The following LPP variants were observed in gnomAD, a reference collection of about 807,000 sequenced individuals.
The protein encoded by LPP is LIM domain containing preferred translocation partner in lipoma.
Under a neutral mutation model 60.4 loss-of-function variants are expected in LPP, and 38 were observed. The ratio of observed to expected loss-of-function variants is 0.63; its 90% confidence interval spans 0.49 to 0.83. The LOEUF (loss-of-function observed/expected upper bound fraction) is 0.83, where lower values mean the gene tolerates loss of function less well. Among genes scored for constraint, LPP ranks in the 40% least tolerant of loss-of-function variants. The probability of loss-of-function intolerance (pLI) is 0.00; values close to 1 mark genes in which losing one functional copy is unlikely to be tolerated. For missense variants in LPP, 902 were observed against 783.6 expected (o/e 1.15, Z -1.80); for synonymous variants, 328 against 290.8 (o/e 1.13, Z -1.30).
chr3:188,581,201 G>T (rs1849913), intron 6 of LPP, among the ~76,000 whole-genome samples: 1 of 151,598 alleles, frequency 6.6e-6, no homozygotes, highest in Non-Finnish European at 1.5e-5. Context: ...GGCAAAAAAA[G>T]TCCAGGAAGA....
intron 3 of LPP, among the ~76,000 whole-genome samples, chr3:188,386,083 CA>C (rs1049423884): frequency 6.0e-5 from 9 of 150,564 alleles, no homozygotes; most frequent in Non-Finnish European, 8.9e-5. Flanking sequence ...AATAGGTGAA[CA>C]AAAAAAAGTA....
At chr3:188,376,534 CT>C (rs1320895961) in intron 3 of LPP, among the ~76,000 whole-genome samples, 2 of 151,918 alleles carry the variant, frequency 1.3e-5, no homozygotes, top group Non-Finnish European at 2.9e-5. Context: ...CAACCCCTGC[CT>C]TTTTTTGTTT....
intron 9 of LPP, among the ~76,000 whole-genome samples, chr3:188,797,523 C>T (rs979154449): frequency 2.0e-5 from 3 of 152,178 alleles, no homozygotes; most frequent in Non-Finnish European, 4.4e-5. Flanking sequence ...TATTCGATCT[C>T]ATCTGGCATA....
rs11328247 is a variant in LPP at position 188,881,139 on chromosome 3, C to CAAAAAAA, written c.*6673_*6679dup. The CAAAAAAA allele has an allele frequency of 0.013, 965 of 72,524 alleles. 68 individuals carry two copies. Among genetic ancestry groups the CAAAAAAA allele is most frequent in the African/African-American group, 0.033 (752 of 22,676 alleles). 4.5% of individuals were successfully genotyped at this position (72,524 alleles called of 1,614,324 possible). A position where few individuals can be genotyped will look rare whatever the true frequency, so the allele number is the denominator to read the frequency against. Reference sequence around the variant, plus strand: ...TGGGCGAAAGAGCGAGACTCCGTCTCAAAAAAAAAAAAAAAAAAATAGGAT... The same window carrying CAAAAAAA: ...TGGGCGAAAGAGCGAGACTCCGTCTCAAAAAAAAAAAAAAAAAAAAAAAAAATAGGAT... On this transcript the variant is annotated 3_prime_UTR_variant, in exon 12 of 12. Coordinates refer to ENST00000617246, the MANE Select transcript of LPP (RefSeq NM_001375462.1).
At chr3:188,255,231 C>T (rs1731268385) in intron 2 of LPP, among the ~76,000 whole-genome samples, 1 of 152,152 alleles carries the variant, frequency 6.6e-6, no homozygotes, top group Non-Finnish European at 1.5e-5. Flanking sequence ...GATGCTTTCT[C>T]CAGACATCTC....
Position 188,262,221 on chromosome 3 carries a change from G to A in LPP, c.-67+36694G>A, listed in dbSNP as rs375136108. Among the ~76,000 whole-genome samples the A allele has an allele frequency of 2.6e-5, 4 of 152,156 alleles. No homozygotes were observed. In the East Asian group the frequency reaches 7.8e-4, roughly 30 times the overall value. ...TTTCCTTTACAAAAATGAGGAGACT[G>A]CATCTCACATTGCCAACGAGCTGCT... On this transcript the variant is annotated intron_variant, in intron 2 of 11. Coordinates refer to ENST00000617246, the MANE Select transcript of LPP (RefSeq NM_001375462.1).
At chr3:188,252,075 T>TATATATACACAC (rs1233544060) in intron 2 of LPP, among the ~76,000 whole-genome samples, 2 of 58,510 alleles carry the variant, frequency 3.4e-5, no homozygotes, top group Non-Finnish European at 6.0e-5. Context: ...TATATATATA[T>TATATATACACAC]ACACACACAC....
chr3:188,664,345 T>TA (rs1576914021), intron 7 of LPP, among the ~76,000 whole-genome samples: 1 of 152,358 alleles, frequency 6.6e-6, no homozygotes, highest in East Asian at 1.9e-4. Flanking sequence ...CCGCTAAATG[T>TA]GTAAAACCTA....
At chr3:188,575,531 AG>A (rs1390686371) in intron 6 of LPP, among the ~76,000 whole-genome samples, 4 of 152,162 alleles carry the variant, frequency 2.6e-5, no homozygotes, top group East Asian at 1.9e-4. Flanking sequence ...AGTACGTGGC[AG>A]GGCTCAGATT....
At chr3:188,288,580 GCA>G (rs71167088) in intron 2 of LPP, among the ~76,000 whole-genome samples, 4 of 150,622 alleles carry the variant, frequency 2.7e-5, no homozygotes, top group Admixed American at 1.3e-4. Context: ...ATGTACACGT[GCA>G]CACACACACA....
At chr3:188,569,433 G>T (rs1832994948) in intron 6 of LPP, among the ~76,000 whole-genome samples, 1 of 151,982 alleles carries the variant, frequency 6.6e-6, no homozygotes, top group African/African-American at 2.4e-5. Context: ...GTGTAGGATA[G>T]TGCTTATCTA....
At chr3:188,265,706 T>C (rs77788600) in intron 2 of LPP, among the ~76,000 whole-genome samples, 2 of 152,212 alleles carry the variant, frequency 1.3e-5, no homozygotes, top group South Asian at 2.1e-4. Flanking sequence ...CATGAAAATA[T>C]CTAGAGAGAT....
intron 6 of LPP, chr3:188,568,899 AG>A (rs778109240): frequency 6.6e-6 from 1 of 151,882 alleles, no homozygotes; most frequent in African/African-American, 2.4e-5. Context: ...AAGGGTGGAG[AG>A]GGGGAACTTA....
chr3:188,760,130 GGA>G lies in LPP; in HGVS notation c.1261_1262del (p.Glu421LysfsTer50). The G allele has an allele frequency of 6.2e-7, 1 of 1,614,044 alleles. No individual in the cohort carries two copies. The highest frequency in any genetic ancestry group is 8.5e-7 in the Non-Finnish European group (1 of 1,179,992). On this transcript the variant is annotated frameshift_variant, in exon 9 of 12. Coordinates refer to ENST00000617246, the MANE Select transcript of LPP (RefSeq NM_001375462.1). LOFTEE classifies it high-confidence loss of function. ...TTTTCCAGGCCGCTGTGCTCGCTGT[GGA>G]GAAAACGTAGTTGGGGAAGGTACAG... is the stretch of plus-strand genomic sequence containing the variant. ...DEYFGRCARC[G>X]ENVVGEGTGC...
intron 3 of LPP, among the ~76,000 whole-genome samples, chr3:188,369,294 T>A (rs73050715): frequency 0.012 from 1,694 of 144,090 alleles, 25 homozygotes; most frequent in African/African-American, 0.039. Flanking sequence ...CACAGGAAAG[T>A]TTTTTTTTTT....
At chr3:188,848,367 CCTCT>C (rs1420128965) in intron 9 of LPP, among the ~76,000 whole-genome samples, 2 of 152,176 alleles carry the variant, frequency 1.3e-5, no homozygotes, top group African/African-American at 2.4e-5. Flanking sequence ...GGAATGGGTC[CCTCT>C]CTGATGCAGA....
At chr3:188,647,392 A>C (rs1327397534) in intron 7 of LPP, among the ~76,000 whole-genome samples, 2 of 152,162 alleles carry the variant, frequency 1.3e-5, no homozygotes, top group Non-Finnish European at 2.9e-5. Context: ...TAGTTGAAAA[A>C]AAAAAATATT....
rs760104193 is a variant in LPP at position 188,594,908 on chromosome 3, TA to T, written c.430-14252del. ...TTTTCTTATTCACATATAGGACTTT[TA>T]TCATGATATATGTATGAATTTATAT... On this transcript the variant is annotated intron_variant, in intron 6 of 11. Coordinates refer to ENST00000617246, the MANE Select transcript of LPP (RefSeq NM_001375462.1). Among the ~76,000 whole-genome samples the T allele has an allele frequency of 3.5e-4, 53 of 152,238 alleles. 1 individual carries two copies. The highest frequency in any genetic ancestry group is 2.8e-4 in the Non-Finnish European group (19 of 68,042).
chr3:188,695,089 A>G, intron 7 of LPP, among the ~76,000 whole-genome samples: 1 of 152,230 alleles, frequency 6.6e-6, no homozygotes, highest in East Asian at 1.9e-4. Flanking sequence ...TAAATTCAGA[A>G]TAGAAGCCAC....
Sources: gnomAD v4.1 joint callset for allele counts (sites outside exome capture counted in the v4.1 genomes callset) on GRCh38, gnomAD v4.1.1 for gene constraint, MANE v1.5 for transcripts, NCBI Gene and HGNC (gene_info 2026-07-23, HGNC 2026-07-21) for gene names.